Variants in ZFYVE9 observed in about 807,000 individuals in gnomAD.
ZFYVE9 encodes the protein zinc finger FYVE-type containing 9.
In ZFYVE9, 43 loss-of-function variants were observed where a neutral mutation model predicts 126.7. The observed-to-expected ratio is 0.34, with a 90% CI of 0.27 to 0.44. ZFYVE9 has a LOEUF of 0.44. Ranked by LOEUF, ZFYVE9 falls within the 20% of genes least tolerant of loss-of-function variation. The probability of loss-of-function intolerance (pLI) is 1.00; values close to 1 mark genes in which losing one functional copy is unlikely to be tolerated. For missense variants in ZFYVE9, 1,476 were observed against 1,697.0 expected, an observed-to-expected ratio of 0.87 and a Z score of 2.29; for synonymous variants, 521 against 597.4, an observed-to-expected ratio of 0.87 and a Z score of 1.87.
At position 52,238,541 on chromosome 1, in the gene ZFYVE9, A is replaced by T. The variant is rs1340098282; in HGVS notation, c.1124A>T (p.Tyr375Phe). ...GTTAGGGCTGATGAAAATGAAGGTT[A>T]TGAACATGAAGAAACTCTTGGCACT... ...NEVRADENEG[Y>F]EHEETLGTTE... Residue 375 changes from tyrosine to phenylalanine, a missense_variant, in exon 4 of 19, where the codon TAT (tyrosine) becomes TTT (phenylalanine). Tyr to Phe is a conservative substitution (Grantham distance 22). Transcript: ENST00000287727. 1 of 1,614,108 alleles carries T rather than the reference A, an allele frequency of 6.2e-7. No individual in the cohort carries two copies.
intron 13 of ZFYVE9, among the ~76,000 whole-genome samples, chr1:52,305,805 G>A (rs903927280): frequency 1.3e-5 from 2 of 152,168 alleles, no homozygotes; most frequent in African/African-American, 4.8e-5. Context: ...CCCTGGAAAT[G>A]CCTGCTCCTA....
At chr1:52,178,093 C>T (rs1644656812) in intron 1 of ZFYVE9, among the ~76,000 whole-genome samples, 1 of 151,440 alleles carries the variant, frequency 6.6e-6, no homozygotes, top group Non-Finnish European at 1.5e-5. Flanking sequence ...TCCTGGCTAA[C>T]AAGGTGAAAC....
chr1:52,236,147 G>C (rs896727589), intron 3 of ZFYVE9, among the ~76,000 whole-genome samples: 2 of 152,104 alleles, frequency 1.3e-5, no homozygotes, highest in African/African-American at 4.8e-5. Context: ...CTCCCAATGA[G>C]ATTATATACT....
intron 1 of ZFYVE9, among the ~76,000 whole-genome samples, chr1:52,188,030 T>A (rs1572086158): frequency 6.6e-6 from 1 of 152,252 alleles, no homozygotes; most frequent in Non-Finnish European, 1.5e-5. Flanking sequence ...TGCATGCATA[T>A]GTTCATTGCA....
intron 1 of ZFYVE9, among the ~76,000 whole-genome samples, chr1:52,190,655 T>C (rs1477968848): frequency 2.0e-5 from 3 of 152,236 alleles, no homozygotes; most frequent in Admixed American, 1.3e-4. Flanking sequence ...CTTGACTTCA[T>C]TGGGGCTGTG....
At chr1:52,248,557 GTTAACAC>G (rs935289754) in intron 4 of ZFYVE9, among the ~76,000 whole-genome samples, 5 of 152,252 alleles carry the variant, frequency 3.3e-5, no homozygotes, top group Non-Finnish European at 7.4e-5. Context: ...ATCCAGTCAA[GTTAACAC>G]TTAATACTAA....
At chr1:52,251,716 G>T (rs1488837118) in intron 4 of ZFYVE9, among the ~76,000 whole-genome samples, 1 of 152,178 alleles carries the variant, frequency 6.6e-6, no homozygotes, top group African/African-American at 2.4e-5. Flanking sequence ...CACAGAAGGA[G>T]TTAGGAAGTA....
intron 13 of ZFYVE9, among the ~76,000 whole-genome samples, chr1:52,323,420 C>G (rs1646259986): frequency 6.6e-6 from 1 of 152,266 alleles, no homozygotes; most frequent in Non-Finnish European, 1.5e-5. Context: ...TTTGTCTCCT[C>G]CTCCTACACA....
At chr1:52,169,865 T>G (rs1644548001) in intron 1 of ZFYVE9, among the ~76,000 whole-genome samples, 1 of 152,226 alleles carries the variant, frequency 6.6e-6, no homozygotes, top group Non-Finnish European at 1.5e-5. Context: ...TATTTTCAAC[T>G]TGGTCTAGGA....
At chr1:52,263,228 T>C (rs1645597813) in intron 4 of ZFYVE9, among the ~76,000 whole-genome samples, 1 of 152,150 alleles carries the variant, frequency 6.6e-6, no homozygotes, top group African/African-American at 2.4e-5. Flanking sequence ...CCTGCTGTGA[T>C]TTCCTGTAGC....
intron 10 of ZFYVE9, among the ~76,000 whole-genome samples, chr1:52,283,258 T>G (rs1645822215): frequency 1.3e-5 from 2 of 152,196 alleles, no homozygotes; most frequent in East Asian, 3.8e-4. Context: ...TAATTGTAGA[T>G]TCATGTGGGT....
chr1:52,159,721 T>C (rs541357013), intron 1 of ZFYVE9, among the ~76,000 whole-genome samples: 1 of 152,312 alleles, frequency 6.6e-6, no homozygotes, highest in African/African-American at 2.4e-5. Flanking sequence ...AAGGTTGATA[T>C]AAGCGACATA....
chr1:52,325,085 C>T (rs1235702276), intron 13 of ZFYVE9, among the ~76,000 whole-genome samples: 1 of 152,172 alleles, frequency 6.6e-6, no homozygotes, highest in Admixed American at 6.5e-5. Context: ...CAAGACCATC[C>T]TGGCTAACAT....
intron 15 of ZFYVE9, among the ~76,000 whole-genome samples, chr1:52,335,861 C>A (rs1175120971): frequency 6.6e-6 from 1 of 152,064 alleles, no homozygotes; most frequent in Non-Finnish European, 1.5e-5. Flanking sequence ...AGGCCGGGTG[C>A]GGTGGCTCAC....
At chr1:52,247,311 TCTC>T (rs1223747339) in intron 4 of ZFYVE9, among the ~76,000 whole-genome samples, 2 of 152,176 alleles carry the variant, frequency 1.3e-5, no homozygotes, top group Non-Finnish European at 2.9e-5. Flanking sequence ...TTGCATCTCT[TCTC>T]CTGAAAGCCA....
At chr1:52,144,398 T>C (rs1644289543) in intron 1 of ZFYVE9, among the ~76,000 whole-genome samples, 1 of 152,140 alleles carries the variant, frequency 6.6e-6, no homozygotes, top group Non-Finnish European at 1.5e-5. Context: ...GCTTGTTATA[T>C]ATATAAGTAT....
intron 1 of ZFYVE9, among the ~76,000 whole-genome samples, chr1:52,192,209 C>T (rs1644822417): frequency 1.3e-5 from 2 of 152,102 alleles, no homozygotes; most frequent in South Asian, 4.1e-4. Flanking sequence ...TCAGAGATGG[C>T]AATCTATCCT....
chr1:52,184,197 T>TTATA (rs148179153), intron 1 of ZFYVE9, among the ~76,000 whole-genome samples: 1 of 145,094 alleles, frequency 6.9e-6, no homozygotes, highest in African/African-American at 2.5e-5. Context: ...ACAAGTGTCA[T>TTATA]TATATATATA....
intron 1 of ZFYVE9, among the ~76,000 whole-genome samples, chr1:52,208,097 G>T (rs560983617): frequency 6.6e-6 from 1 of 152,302 alleles, no homozygotes; most frequent in African/African-American, 2.4e-5. Context: ...AAGGCAGGAG[G>T]ATTGCTTGAT....
Sources: allele counts gnomAD v4.1 joint callset (sites outside exome capture counted in the v4.1 genomes callset), GRCh38; gene constraint gnomAD v4.1.1; transcripts MANE v1.5; gene names NCBI Gene and HGNC (gene_info 2026-07-23, HGNC 2026-07-21).